Variants in XYLB observed in about 807,000 individuals in gnomAD.
The protein encoded by XYLB is xylulokinase.
XYLB carries 62 observed loss-of-function variants against 78.7 expected under a neutral mutation model. The observed-to-expected ratio is 0.79, with a 90% confidence interval of 0.64 to 0.97. The LOEUF is 0.97. XYLB is among the 50% of genes least tolerant of loss of function. The pLI is 0.00. For missense variants in XYLB, 687 were observed against 676.8 expected (o/e 1.02, Z -0.17); for synonymous variants, 245 against 247.4 (o/e 0.99, Z 0.09).
the XYLB span, among the ~76,000 whole-genome samples, chr3:38,430,059 G>A: frequency 2.6e-4 from 40 of 152,060 alleles, no homozygotes; most frequent in Admixed American, 5.2e-4. Flanking sequence ...ATAATCCTTC[G>A]GGTATATACC....
chr3:38,353,110 G>C (rs144584621), intron 2 of XYLB, among the ~76,000 whole-genome samples: 35 of 152,218 alleles, frequency 2.3e-4, no homozygotes, highest in African/African-American at 8.2e-4. Context: ...TAGATTTTGA[G>C]TCATAGTTCA....
intron 16 of XYLB, among the ~76,000 whole-genome samples, chr3:38,396,550 A>G (rs2125646758): frequency 6.6e-6 from 1 of 152,312 alleles, no homozygotes; most frequent in South Asian, 2.1e-4. Flanking sequence ...CTGGGTCGGC[A>G]TCAGTGGCAT....
intron 2 of XYLB, chr3:38,355,993 G>A (rs771223603): frequency 2.5e-4 from 133 of 541,312 alleles, no homozygotes; most frequent in Admixed American, 6.2e-4. Flanking sequence ...GCTCACGCCT[G>A]TAATCCCAGC....
chr3:38,353,436 G>A (rs938687821), intron 2 of XYLB, among the ~76,000 whole-genome samples: 5 of 152,006 alleles, frequency 3.3e-5, no homozygotes, highest in African/African-American at 1.2e-4. Flanking sequence ...CTCCCAAGTA[G>A]CTGGAACCAC....
intron 15 of XYLB, among the ~76,000 whole-genome samples, chr3:38,388,248 C>A: frequency 6.9e-6 from 1 of 145,052 alleles, no homozygotes; most frequent in East Asian, 2.0e-4. Context: ...AGCTGGGTTG[C>A]GGAGATGTCG....
At chr3:38,433,147 C>T in the XYLB span, among the ~76,000 whole-genome samples, 2 of 152,378 alleles carry the variant, frequency 1.3e-5, no homozygotes, top group East Asian at 3.9e-4. Context: ...GGCCCAACAC[C>T]ATGTGGAAGC....
intron 10 of XYLB, 100 bp downstream of exon 10, chr3:38,372,836 T>G (rs1706643763): frequency 7.5e-7 from 1 of 1,328,876 alleles, no homozygotes; most frequent in Non-Finnish European, 1.1e-6. Flanking sequence ...CCTTCTGTGG[T>G]CATTCCTCAC....
At chr3:38,435,993 G>T in the XYLB span, among the ~76,000 whole-genome samples, 1 of 152,030 alleles carries the variant, frequency 6.6e-6, no homozygotes, top group Admixed American at 6.6e-5. Flanking sequence ...AAGATCACAA[G>T]TTAACAAGCT....
chr3:38,360,559 G>T, intron 3 of XYLB, 151 bp downstream of exon 3: 1 of 680,774 alleles, frequency 1.5e-6, no homozygotes. Context: ...TGACTCCTGG[G>T]ATCAGGCTCA....
At chr3:38,350,028 G>A (rs1217307456) in intron 2 of XYLB, among the ~76,000 whole-genome samples, 1 of 152,180 alleles carries the variant, frequency 6.6e-6, no homozygotes, top group Non-Finnish European at 1.5e-5. Flanking sequence ...AGTTTTAGGG[G>A]CAGAGGGGGC....
chr3:38,451,752 CTG>C, the XYLB span: 1 of 152,184 alleles, frequency 6.6e-6, no homozygotes, highest in South Asian at 2.1e-4. Flanking sequence ...ACAGGGAAAA[CTG>C]GGGAGGAGAT....
At chr3:38,436,739 C>T in the XYLB span, among the ~76,000 whole-genome samples, 1 of 152,088 alleles carries the variant, frequency 6.6e-6, no homozygotes, top group African/African-American at 2.4e-5. Context: ...TGTGGTGGCT[C>T]ACACCTGTAA....
chr3:38,374,576 G>A lies in XYLB; in HGVS notation c.888+74G>A, dbSNP rs574421745. 323 of 1,585,736 alleles carry A rather than the reference G, an allele frequency of 2.0e-4. 1 individual carries two copies. The Middle Eastern group carries it at 5.7e-3, about 28-fold the overall frequency. ...ACCCACACTCTGATAAGTAGCAGAGGTGCTGCTGAGACCCAGATCCCAGGG... is the reference window on the plus strand; with the variant it reads ...ACCCACACTCTGATAAGTAGCAGAGATGCTGCTGAGACCCAGATCCCAGGG... On this transcript the variant is annotated intron_variant, in intron 11 of 18. Transcript: ENST00000207870.
At chr3:38,425,707 G>T (rs1254302195), downstream of XYLB, among the ~76,000 whole-genome samples, 1 of 152,162 alleles carries the variant, frequency 6.6e-6, no homozygotes, top group Admixed American at 6.5e-5. Context: ...CGGCCAATTT[G>T]GATATCATCA....
Position 38,360,388 on chromosome 3 carries a change from C to T in XYLB, c.190C>T (p.Pro64Ser), listed in dbSNP as rs115412959. 1.7e-5 allele frequency: 28 copies of T among 1,611,570 alleles called. No individual in the cohort carries two copies. In the African/African-American group the frequency reaches 3.3e-4, roughly 19 times the overall value. ...VHKDGLTVTS[P>S]VLMWVQALDI... is the part of the protein sequence containing the mutation. ...CAAGGATGGGCTGACGGTCACTTCT[C>T]CAGTACTAATGTGGGTCCAGGTAAG... The change falls in exon 3 of 19, where the codon CCA becomes TCA. Residue 64 changes from proline to serine, a missense_variant. By Grantham distance (74) the Pro-to-Ser change is moderately conservative. Coordinates refer to ENST00000207870, the MANE Select transcript of XYLB (RefSeq NM_005108.4).
intron 18 of XYLB, among the ~76,000 whole-genome samples, chr3:38,410,153 T>C (rs1357096838): frequency 2.6e-5 from 4 of 152,042 alleles, no homozygotes; most frequent in African/African-American, 4.8e-5. Flanking sequence ...GCTACAGTAA[T>C]CAAAACAGCA....
the XYLB span, among the ~76,000 whole-genome samples, chr3:38,435,511 C>T: frequency 4.6e-5 from 7 of 152,266 alleles, no homozygotes; most frequent in African/African-American, 9.6e-5. Flanking sequence ...CTTCAACACC[C>T]CACTTTCAGC....
At chr3:38,418,432 A>AT (rs1708872718), downstream of XYLB, among the ~76,000 whole-genome samples, 3 of 152,194 alleles carry the variant, frequency 2.0e-5, no homozygotes, top group Admixed American at 2.0e-4. Flanking sequence ...AAAACTAAAT[A>AT]TGAGTATGAC....
At chr3:38,410,571 C>G (rs1035876188) in intron 18 of XYLB, among the ~76,000 whole-genome samples, 1 of 152,066 alleles carries the variant, frequency 6.6e-6, no homozygotes, top group Admixed American at 6.5e-5. Flanking sequence ...GCACAGCAAA[C>G]GAAACTACCA....
Sources: allele counts gnomAD v4.1 joint callset (sites outside exome capture counted in the v4.1 genomes callset), GRCh38; gene constraint gnomAD v4.1.1; transcripts MANE v1.5; gene names NCBI Gene and HGNC (gene_info 2026-07-23, HGNC 2026-07-21).